DCAF6: variants seen among roughly 807,000 people sequenced by gnomAD.
DCAF6 encodes DDB1- and CUL4-associated factor 6.
Under a neutral mutation model 125.1 loss-of-function variants are expected in DCAF6, and 54 were observed. The observed-to-expected ratio is 0.43, with a 90% CI of 0.35 to 0.54. DCAF6 has a LOEUF of 0.54. Among genes scored for constraint, DCAF6 ranks in the 20% least tolerant of loss-of-function variants. DCAF6 has a pLI of 0.01. For synonymous variants in DCAF6, 371 were observed against 390.4 expected, an observed-to-expected ratio of 0.95 and a Z score of 0.58; for missense variants, 934 against 1,161.7, an observed-to-expected ratio of 0.80 and a Z score of 2.85.
intron 11 of DCAF6, among the ~76,000 whole-genome samples, chr1:168,021,294 T>C (rs893241468): frequency 3.3e-5 from 5 of 152,162 alleles, no homozygotes; most frequent in African/African-American, 1.2e-4. Context: ...AATGAGGGCA[T>C]AATGAAATGT....
At chr1:168,070,051 A>G (rs1415214367) in intron 21 of DCAF6, among the ~76,000 whole-genome samples, 3 of 152,086 alleles carry the variant, frequency 2.0e-5, no homozygotes, top group Non-Finnish European at 4.4e-5. Flanking sequence ...TTCCAGTTGC[A>G]CAAAAATCTA....
chr1:167,949,909 G>C (rs935491449), intron 1 of DCAF6, among the ~76,000 whole-genome samples: 1 of 152,128 alleles, frequency 6.6e-6, no homozygotes, highest in African/African-American at 2.4e-5. Context: ...GTTTTTGCTA[G>C]TTTGCTCTAG....
chr1:167,998,037 C>A (rs1179950022), intron 7 of DCAF6, among the ~76,000 whole-genome samples: 2 of 152,062 alleles, frequency 1.3e-5, no homozygotes, highest in East Asian at 3.9e-4. Flanking sequence ...TTGGAACCCT[C>A]AAAAAATTAG....
intron 1 of DCAF6, among the ~76,000 whole-genome samples, chr1:167,942,410 T>C (rs1672393427): frequency 6.6e-6 from 1 of 151,976 alleles, no homozygotes; most frequent in Admixed American, 6.6e-5. Context: ...GTATCTTTTG[T>C]GGCTTTTGTT....
chr1:168,071,339 C>T (rs1692989063), intron 21 of DCAF6, among the ~76,000 whole-genome samples: 1 of 152,238 alleles, frequency 6.6e-6, no homozygotes, highest in Non-Finnish European at 1.5e-5. Flanking sequence ...TACAGTGGCT[C>T]ACGCCTGTAA....
At chr1:167,904,143 AATGGT>A in the DCAF6 span, 2 of 571,686 alleles carry the variant, frequency 3.5e-6, no homozygotes, top group Non-Finnish European at 6.1e-6. Context: ...GCTGGAGGGC[AATGGT>A]GTGATCTCAG....
the DCAF6 span, among the ~76,000 whole-genome samples, chr1:167,897,821 C>T: frequency 2.9e-4 from 8 of 27,390 alleles, no homozygotes; most frequent in East Asian, 6.1e-4. Context: ...ACGGTGAAAC[C>T]CCGTCTCTAC....
chr1:167,947,964 G>A (rs1256194418), intron 1 of DCAF6, among the ~76,000 whole-genome samples: 2 of 152,058 alleles, frequency 1.3e-5, no homozygotes, highest in East Asian at 1.9e-4. Flanking sequence ...CTGTAAGTGG[G>A]GTGTTGAATT....
At chr1:167,964,909 G>A (rs1676164830) in intron 2 of DCAF6, among the ~76,000 whole-genome samples, 1 of 151,890 alleles carries the variant, frequency 6.6e-6, no homozygotes, top group African/African-American at 2.4e-5. Flanking sequence ...TAGGATTTCC[G>A]TCTCTCTGCT....
intron 20 of DCAF6, among the ~76,000 whole-genome samples, chr1:168,067,870 C>T (rs1255711161): frequency 6.6e-6 from 1 of 152,068 alleles, no homozygotes; most frequent in African/African-American, 2.4e-5. Flanking sequence ...ATTCTTGGTA[C>T]TTAAGGCTCA....
chr1:167,925,432 TACATATACAC>T, the DCAF6 span, among the ~76,000 whole-genome samples: 115 of 117,502 alleles, frequency 9.8e-4, 1 homozygote, highest in South Asian at 0.029. Flanking sequence ...TATACAGATA[TACATATACAC>T]ATATATATAT....
the DCAF6 span, among the ~76,000 whole-genome samples, chr1:167,903,531 T>C: frequency 1.2e-4 from 18 of 152,060 alleles, no homozygotes; most frequent in Middle Eastern, 3.2e-3. Flanking sequence ...GCCACTGCAC[T>C]CCAGCCTGGG....
intron 10 of DCAF6, among the ~76,000 whole-genome samples, chr1:168,008,798 G>C (rs528279347): frequency 6.6e-6 from 1 of 150,552 alleles, no homozygotes; most frequent in Non-Finnish European, 1.5e-5. Flanking sequence ...GATTTCTTTC[G>C]GTTATCAGAG....
chr1:167,956,130 G>A (rs1674750018), intron 2 of DCAF6, among the ~76,000 whole-genome samples: 1 of 151,874 alleles, frequency 6.6e-6, no homozygotes, highest in African/African-American at 2.4e-5. Context: ...TTGTTGTCAG[G>A]TTGAGGATGT....
chr1:168,069,574 T>C (rs554735315), intron 21 of DCAF6, among the ~76,000 whole-genome samples: 42 of 152,310 alleles, frequency 2.8e-4, no homozygotes, highest in African/African-American at 8.2e-4. Flanking sequence ...CCACAGAAAG[T>C]AGACAGCGTA....
rs191849545 is a variant in DCAF6, at chr1:168,051,648, G to A, written c.2300+715G>A. ...ATATAGCAACAATCAGAAATGTAAA[G>A]TTTGTAGAGTTCCTAATGAAAAATA... On this transcript the variant is annotated intron_variant, in intron 17 of 21. Transcript: ENST00000367840. 3.3e-5 allele frequency among the ~76,000 whole-genome samples: 5 copies of A among 152,230 alleles called. No individual in the cohort carries two copies. The East Asian group carries it at 9.6e-4, about 29-fold the overall frequency.
upstream of DCAF6, chr1:167,936,645 T>C: frequency 2.5e-6 from 1 of 393,202 alleles, no homozygotes; most frequent in African/African-American, 2.2e-5. Flanking sequence ...CTCCTCCTGT[T>C]GGAGGGGGGC....
At chr1:167,894,287 TGGTG>T in the DCAF6 span, among the ~76,000 whole-genome samples, 2 of 152,042 alleles carry the variant, frequency 1.3e-5, no homozygotes, top group African/African-American at 4.8e-5. Flanking sequence ...GAGAGGAGCA[TGGTG>T]ACAGAATGAA....
At chr1:167,943,265 C>A (rs985770378) in intron 1 of DCAF6, among the ~76,000 whole-genome samples, 1 of 152,100 alleles carries the variant, frequency 6.6e-6, no homozygotes, top group Non-Finnish European at 1.5e-5. Context: ...TGAACCCTTT[C>A]TATTTCCATA....
Sources: gnomAD v4.1 joint callset for allele counts (sites outside exome capture counted in the v4.1 genomes callset) on GRCh38, gnomAD v4.1.1 for gene constraint, MANE v1.5 for transcripts, NCBI Gene and HGNC (gene_info 2026-07-23, HGNC 2026-07-21) for gene names.